The following LDLRAD4 variants were observed in gnomAD, a reference collection of about 807,000 sequenced individuals.
The protein encoded by LDLRAD4 is low-density lipoprotein receptor class A domain-containing protein 4.
A neutral mutation model predicts 17.0 loss-of-function variants in LDLRAD4; 5 were observed. The observed-to-expected ratio is 0.29, with a 90% CI of 0.15 to 0.62. The LOEUF (loss-of-function observed/expected upper bound fraction) is 0.62. Ranked by LOEUF, LDLRAD4 falls within the 20% of genes least tolerant of loss-of-function variation. The pLI is 0.84. For missense variants in LDLRAD4, 340 were observed against 424.7 expected (o/e 0.80, Z 1.75); for synonymous variants, 168 against 171.8 (o/e 0.98, Z 0.17).
intron 3 of LDLRAD4, among the ~76,000 whole-genome samples, chr18:13,553,889 A>G (rs187042556): frequency 2.9e-4 from 44 of 152,292 alleles, no homozygotes; most frequent in African/African-American, 9.9e-4. Context: ...CCCTTTTGTC[A>G]GGTGGAACCG....
intron 1 of LDLRAD4, among the ~76,000 whole-genome samples, chr18:13,245,092 TG>T (rs1158464724): frequency 2.0e-5 from 3 of 152,118 alleles, no homozygotes; most frequent in African/African-American, 7.2e-5. Flanking sequence ...TTCCCCTAAG[TG>T]GGAGCTGTGC....
chr18:13,617,926 C>T (rs576395466), intron 3 of LDLRAD4, among the ~76,000 whole-genome samples: 12 of 152,314 alleles, frequency 7.9e-5, no homozygotes, highest in African/African-American at 2.6e-4. Context: ...TTCTCAGTAG[C>T]CATGAGGATG....
At chr18:13,553,932 T>G (rs746402673) in intron 3 of LDLRAD4, among the ~76,000 whole-genome samples, 11 of 152,186 alleles carry the variant, frequency 7.2e-5, no homozygotes, top group Non-Finnish European at 1.5e-4. Context: ...TGCAGTTAAT[T>G]AGTGAGTGAC....
At chr18:13,364,129 C>T (rs1599690079) in intron 1 of LDLRAD4, among the ~76,000 whole-genome samples, 2 of 152,168 alleles carry the variant, frequency 1.3e-5, no homozygotes, top group South Asian at 4.1e-4. Context: ...GTATCTGTAA[C>T]ATGATACCGT....
intron 3 of LDLRAD4, among the ~76,000 whole-genome samples, chr18:13,571,542 C>T (rs1013408648): frequency 6.6e-6 from 1 of 152,220 alleles, no homozygotes; most frequent in South Asian, 2.1e-4. Flanking sequence ...TAAGCTCACG[C>T]ATGATGGCGT....
chr18:13,344,161 C>T (rs546676206), intron 1 of LDLRAD4, among the ~76,000 whole-genome samples: 5 of 152,284 alleles, frequency 3.3e-5, no homozygotes, highest in African/African-American at 1.2e-4. Flanking sequence ...CTTGCCCATG[C>T]CTACGTCCTG....
intron 1 of LDLRAD4, among the ~76,000 whole-genome samples, chr18:13,310,888 C>T (rs938093803): frequency 6.6e-6 from 1 of 152,122 alleles, no homozygotes; most frequent in Non-Finnish European, 1.5e-5. Flanking sequence ...GATGATTTGA[C>T]ATGTTGGAAA....
intron 3 of LDLRAD4, among the ~76,000 whole-genome samples, chr18:13,574,010 A>C (rs891747297): frequency 6.6e-6 from 1 of 152,178 alleles, no homozygotes; most frequent in East Asian, 1.9e-4. Flanking sequence ...GGCTTCATGC[A>C]TAGCGATGGA....
At chr18:13,303,857 C>G (rs1351646915) in intron 1 of LDLRAD4, among the ~76,000 whole-genome samples, 1 of 152,182 alleles carries the variant, frequency 6.6e-6, no homozygotes, top group African/African-American at 2.4e-5. Context: ...AGTAAGAGGG[C>G]TAAGGAGATC....
At chr18:13,252,656 C>T (rs537738275) in intron 1 of LDLRAD4, among the ~76,000 whole-genome samples, 5 of 152,346 alleles carry the variant, frequency 3.3e-5, no homozygotes, top group African/African-American at 9.6e-5. Flanking sequence ...ATACTGGGCA[C>T]GGTGGGACTG....
At chr18:13,442,848 T>G (rs1231210158) in intron 3 of LDLRAD4, among the ~76,000 whole-genome samples, 1 of 152,198 alleles carries the variant, frequency 6.6e-6, no homozygotes, top group Non-Finnish European at 1.5e-5. Context: ...AAGCCAGCGC[T>G]GCTGAGGGAT....
intron 3 of LDLRAD4, among the ~76,000 whole-genome samples, chr18:13,453,403 T>G (rs2091950974): frequency 6.6e-6 from 1 of 152,158 alleles, no homozygotes; most frequent in Non-Finnish European, 1.5e-5. Context: ...ATCACAGGAA[T>G]GAGTTAAAAT....
chr18:13,284,088 TG>T (rs2045464026), intron 1 of LDLRAD4, among the ~76,000 whole-genome samples: 1 of 152,180 alleles, frequency 6.6e-6, no homozygotes, highest in Admixed American at 6.5e-5. Context: ...AGTTGAGATT[TG>T]GGTGGCAACA....
intron 3 of LDLRAD4, among the ~76,000 whole-genome samples, chr18:13,538,745 C>T (rs535342127): frequency 1.1e-4 from 17 of 152,206 alleles, no homozygotes; most frequent in East Asian, 5.8e-4. Flanking sequence ...GAGTTGGTCT[C>T]GAACTCCTGA....
intron 1 of LDLRAD4, among the ~76,000 whole-genome samples, chr18:13,226,180 C>CTCTTTTTTTT (rs71370946): frequency 5.7e-5 from 3 of 52,188 alleles, no homozygotes; most frequent in African/African-American, 2.3e-4. Flanking sequence ...CCATGCCTTG[C>CTCTTTTTTTT]TTTTTTTTTT....
chr18:13,446,098 G>A (rs746921178), intron 3 of LDLRAD4, among the ~76,000 whole-genome samples: 2 of 152,152 alleles, frequency 1.3e-5, no homozygotes, highest in Non-Finnish European at 2.9e-5. Context: ...CCTGGGGATT[G>A]GAATTAGGTA....
intron 3 of LDLRAD4, among the ~76,000 whole-genome samples, chr18:13,584,614 C>T (rs899814281): frequency 3.3e-5 from 5 of 152,170 alleles, no homozygotes; most frequent in Admixed American, 2.6e-4. Context: ...CAAAACCTGT[C>T]TTTTCTCATA....
At chr18:13,226,179 G>GTTT (rs1243883704) in intron 1 of LDLRAD4, among the ~76,000 whole-genome samples, 1 of 11,478 alleles carries the variant, frequency 8.7e-5, no homozygotes, top group East Asian at 4.0e-3. Context: ...GCCATGCCTT[G>GTTT]CTTTTTTTTT....
At chr18:13,507,334 C>T (rs948865592) in intron 3 of LDLRAD4, among the ~76,000 whole-genome samples, 2 of 152,102 alleles carry the variant, frequency 1.3e-5, no homozygotes, top group African/African-American at 2.4e-5. Flanking sequence ...AACTTCCCCG[C>T]GAAGTCCCCA....
Sources: gnomAD v4.1 joint callset for allele counts (sites outside exome capture counted in the v4.1 genomes callset) on GRCh38, gnomAD v4.1.1 for gene constraint, MANE v1.5 for transcripts, NCBI Gene and HGNC (gene_info 2026-07-23, HGNC 2026-07-21) for gene names.